The following FNBP1L variants were observed in gnomAD, a reference collection of about 807,000 sequenced individuals.
FNBP1L encodes the protein formin binding protein 1 like.
FNBP1L carries 36 observed loss-of-function variants against 91.2 expected under a neutral mutation model. The observed-to-expected ratio is 0.39, with a 90% CI of 0.30 to 0.52. The LOEUF (loss-of-function observed/expected upper bound fraction) is 0.52, where lower values mean the gene tolerates loss of function less well. FNBP1L is among the 20% of genes least tolerant of loss of function. FNBP1L has a pLI of 0.66. For synonymous variants in FNBP1L, 242 were observed against 237.0 expected, an observed-to-expected ratio of 1.02 and a Z score of -0.19; for missense variants, 571 against 732.1, an observed-to-expected ratio of 0.78 and a Z score of 2.54.
In FNBP1L at chr1:93,523,430, C is replaced by T. The variant is rs779110197; in HGVS notation, c.281C>T (p.Ala94Val). ...CGAGAAGTTGTAGCAGAAGAAATGG[C>T]GCACAGAGTGTATGGTGAATTAATG... is the stretch of plus-strand genomic sequence containing the variant. ...GQREVVAEEM[A>V]HRVYGELMRY... The change falls in exon 4 of 17, where the codon GCG becomes GTG. Residue 94 changes from alanine (A) to valine (V), a missense_variant. Around this residue, in one of 5 missense-constraint regions of FNBP1L, gnomAD observed 220 missense variants for 313.6 expected, o/e 0.70. Coordinates refer to ENST00000271234, the MANE Select transcript of FNBP1L (RefSeq NM_001164473.3). The T allele has an allele frequency of 8.7e-6, 14 of 1,609,852 alleles. No individual in the cohort carries two copies. The highest frequency in any genetic ancestry group is 3.3e-5 in the South Asian group (3 of 90,154).
intron 1 of FNBP1L, among the ~76,000 whole-genome samples, chr1:93,478,817 A>G (rs1171182769): frequency 6.6e-6 from 1 of 152,200 alleles, no homozygotes; most frequent in South Asian, 2.1e-4. Flanking sequence ...AACTCATGGT[A>G]TAGATAGATG....
chr1:93,449,329 G>C (rs1040047176), intron 1 of FNBP1L, among the ~76,000 whole-genome samples: 2 of 152,114 alleles, frequency 1.3e-5, no homozygotes, highest in Non-Finnish European at 2.9e-5. Context: ...GGGGCGTGGG[G>C]GCGCTGTCCC....
At chr1:93,524,583 T>TTC (rs1398145534) in intron 5 of FNBP1L, among the ~76,000 whole-genome samples, 3 of 97,010 alleles carry the variant, frequency 3.1e-5, no homozygotes, top group African/African-American at 1.2e-4. Flanking sequence ...AGGAGATTCT[T>TTC]TTTTTTTTTT....
At chr1:93,467,279 A>G (rs1190315027) in intron 1 of FNBP1L, among the ~76,000 whole-genome samples, 1 of 152,114 alleles carries the variant, frequency 6.6e-6, no homozygotes, top group Non-Finnish European at 1.5e-5. Flanking sequence ...AAAATTTGTT[A>G]TACACATACA....
intron 1 of FNBP1L, among the ~76,000 whole-genome samples, chr1:93,449,457 A>T (rs1215327586): frequency 2.0e-5 from 3 of 152,128 alleles, no homozygotes; most frequent in African/African-American, 7.2e-5. Flanking sequence ...ATAACTTTTG[A>T]GTATGTGTGT....
intron 10 of FNBP1L, 47 bp downstream of exon 10, chr1:93,536,537 T>A: frequency 6.8e-7 from 1 of 1,480,312 alleles, no homozygotes. Flanking sequence ...ATTGTGTGTG[T>A]AGTGTGGCTT....
rs199776507 is a variant in FNBP1L, at chr1:93,544,636, C to CT, written c.1274+426dup. Reference sequence around the variant, plus strand: ...TCATATTTGTTCACACATAAGTTTACTTTTTTATTTCATTTTTATAAGACG... The same window carrying CT: ...TCATATTTGTTCACACATAAGTTTACTTTTTTTATTTCATTTTTATAAGACG... On this transcript the variant is annotated intron_variant, in intron 12 of 16. Coordinates refer to ENST00000271234, the MANE Select transcript of FNBP1L (RefSeq NM_001164473.3). Among the ~76,000 whole-genome samples the CT allele has an allele frequency of 7.2e-5, 11 of 152,144 alleles. No individual in the cohort carries two copies. In the East Asian group the frequency reaches 2.1e-3, roughly 29 times the overall value.
At chr1:93,472,510 A>G (rs1386831185) in intron 1 of FNBP1L, among the ~76,000 whole-genome samples, 5 of 151,222 alleles carry the variant, frequency 3.3e-5, no homozygotes, top group African/African-American at 1.2e-4. Context: ...GTGCAGAGAG[A>G]TTATTAAAAA....
At position 93,554,106 on chromosome 1, in the gene FNBP1L, A is replaced by G. The variant is rs1672500773; in HGVS notation, c.*1690A>G. 6.5e-6 allele frequency: 1 copy of G among 152,688 alleles called. No individual in the cohort carries two copies. Among genetic ancestry groups the G allele is most frequent in the African/African-American group, 2.4e-5 (1 of 41,470 alleles). 9.5% of individuals were successfully genotyped at this position (152,688 alleles called of 1,614,324 possible). ...CATATAGTGTATTACCTTTGCAGCT[A>G]GTAAACTATAAAGTTTAGATATTGA... On this transcript the variant is annotated 3_prime_UTR_variant, in exon 17 of 17. Transcript: ENST00000271234.
At chr1:93,479,321 C>G (rs1272381524) in intron 1 of FNBP1L, among the ~76,000 whole-genome samples, 1 of 152,124 alleles carries the variant, frequency 6.6e-6, no homozygotes, top group Non-Finnish European at 1.5e-5. Context: ...AGGGCAAGGA[C>G]AAAAGCAAAG....
At chr1:93,549,225 A>G in intron 14 of FNBP1L, 53 bp from the exon 15 acceptor site, 4 of 1,414,886 alleles carry the variant, frequency 2.8e-6, no homozygotes, top group Non-Finnish European at 3.8e-6. Context: ...TAAATAATAT[A>G]TAGAATTCTC....
intron 2 of FNBP1L, among the ~76,000 whole-genome samples, chr1:93,517,059 A>G (rs1159936071): frequency 7.9e-6 from 1 of 126,608 alleles, no homozygotes; most frequent in Non-Finnish European, 1.6e-5. Context: ...TTTTTTTTTG[A>G]GACAGAGCCT....
chr1:93,476,118 G>T (rs1468769687), intron 1 of FNBP1L, among the ~76,000 whole-genome samples: 1 of 152,118 alleles, frequency 6.6e-6, no homozygotes. Context: ...GTATGTTAGT[G>T]CATTAAAACA....
chr1:93,469,856 G>A (rs562552770), intron 1 of FNBP1L, among the ~76,000 whole-genome samples: 1 of 152,042 alleles, frequency 6.6e-6, no homozygotes, highest in African/African-American at 2.4e-5. Context: ...CACACTTGTC[G>A]TTCCAGCTAC....
At chr1:93,476,389 A>AAT (rs1669495422) in intron 1 of FNBP1L, among the ~76,000 whole-genome samples, 1 of 152,212 alleles carries the variant, frequency 6.6e-6, no homozygotes, top group East Asian at 1.9e-4. Context: ...TAAATGAGAT[A>AAT]ATATATAAAA....
chr1:93,530,427 G>A (rs973864910), intron 6 of FNBP1L, among the ~76,000 whole-genome samples: 2 of 151,854 alleles, frequency 1.3e-5, no homozygotes, highest in African/African-American at 4.8e-5. Flanking sequence ...AAGCTATAAT[G>A]TTTTCATTTG....
chr1:93,535,613 A>G (rs1013051174), intron 9 of FNBP1L, among the ~76,000 whole-genome samples: 3 of 152,068 alleles, frequency 2.0e-5, no homozygotes, highest in East Asian at 1.9e-4. Flanking sequence ...ATTTTAATTC[A>G]TTTTTTGATC....
chr1:93,497,623 A>G (rs1165903276), intron 1 of FNBP1L, among the ~76,000 whole-genome samples: 2 of 152,116 alleles, frequency 1.3e-5, no homozygotes, highest in South Asian at 2.1e-4. Context: ...TCTTAATAAT[A>G]TATACATATT....
intron 1 of FNBP1L, among the ~76,000 whole-genome samples, chr1:93,462,493 C>T (rs1283194723): frequency 2.0e-5 from 3 of 151,996 alleles, no homozygotes; most frequent in Non-Finnish European, 2.9e-5. Context: ...TTACCTAATA[C>T]CCCTTTTTTT....
Sources: allele counts gnomAD v4.1 joint callset (sites outside exome capture counted in the v4.1 genomes callset), GRCh38; gene constraint gnomAD v4.1.1; regional missense constraint gnomAD v4.1.1; transcripts MANE v1.5; gene names NCBI Gene and HGNC (gene_info 2026-07-23, HGNC 2026-07-21).